The following LUZP1 variants were observed in gnomAD, a reference collection of about 807,000 sequenced individuals.
The protein encoded by LUZP1 is leucine zipper protein 1, also known as filamin mechanobinding actin cross-linking protein.
In LUZP1, 25 loss-of-function variants were observed where a neutral mutation model predicts 71.3. That is an observed-to-expected ratio of 0.35 (90% CI 0.26 to 0.49). The LOEUF (loss-of-function observed/expected upper bound fraction) is 0.49, where lower values mean the gene tolerates loss of function less well. Among genes scored for constraint, LUZP1 ranks in the 20% least tolerant of loss-of-function variants. LUZP1 has a pLI of 0.99. For synonymous variants in LUZP1, 481 were observed against 506.4 expected, an observed-to-expected ratio of 0.95 and a Z score of 0.67; for missense variants, 1,142 against 1,300.8, an observed-to-expected ratio of 0.88 and a Z score of 1.88.
At chr1:23,129,216 T>C (rs1644195227) in intron 2 of LUZP1, among the ~76,000 whole-genome samples, 1 of 152,210 alleles carries the variant, frequency 6.6e-6, no homozygotes, top group Non-Finnish European at 1.5e-5. Context: ...ATCTCATCAT[T>C]AGACTCACCA....
chr1:23,093,474 T>G lies in LUZP1; in HGVS notation c.788A>C (p.Tyr263Ser). ...TGTTTCATTCTCTACCTGCTTTAGG[T>G]AGTCCAGACCACCCTTCCTTCTTGA... Residue 263 changes from tyrosine to serine, a missense_variant, in exon 4 of 5, where the codon TAC (tyrosine) becomes TCC (serine). By Grantham distance (144) the Tyr-to-Ser change is moderately radical. Transcript: ENST00000302291. The surrounding 1 kb of genome is among the most constrained non-coding windows in gnomAD (Gnocchi z 4.2). 1 of 1,613,172 alleles carries G rather than the reference T, an allele frequency of 6.2e-7. No homozygotes were observed. The highest frequency in any genetic ancestry group is 1.1e-5 in the South Asian group (1 of 90,672).
chr1:23,162,469 C>T (rs1384447952), intron 2 of LUZP1, among the ~76,000 whole-genome samples: 1 of 149,456 alleles, frequency 6.7e-6, no homozygotes, highest in Non-Finnish European at 1.5e-5. Context: ...GACGGAGTCT[C>T]GCTCTGTTGC....
chr1:23,113,468 T>C (rs1644050835), intron 2 of LUZP1, among the ~76,000 whole-genome samples: 1 of 151,890 alleles, frequency 6.6e-6, no homozygotes, highest in Non-Finnish European at 1.5e-5. Context: ...TTAAACCCAT[T>C]TGCAATTTGC....
In LUZP1 at chr1:23,152,652, T is replaced by A. The variant is rs1452233276; in HGVS notation, c.-226+16114A>T. 5.9e-5 allele frequency among the ~76,000 whole-genome samples: 9 copies of A among 152,092 alleles called. No homozygotes were observed. The East Asian group carries it at 1.7e-3, about 29-fold the overall frequency. On this transcript the variant is annotated intron_variant, in intron 2 of 4. Coordinates refer to ENST00000302291, the Ensembl canonical transcript of LUZP1. ...TTCAAGCGATTCTCCTGCTTCAGCCTACCGAGTAGCTGGGATTACAGGCGC... is the reference window on the plus strand; with the variant it reads ...TTCAAGCGATTCTCCTGCTTCAGCCAACCGAGTAGCTGGGATTACAGGCGC...
At chr1:23,177,660 G>A (rs1205544743) in exon 1 of LUZP1, 1 of 152,296 alleles carries the variant, frequency 6.6e-6, no homozygotes, top group Non-Finnish European at 1.5e-5. Context: ...ATCCGGCTGC[G>A]GCACTTCATG....
chr1:23,107,415 A>G lies in LUZP1; in HGVS notation c.-120+1607T>C, dbSNP rs193094469. The stretch of plus-strand genomic sequence containing the variant: ...TTTTCTATTTTGTTTAATGCAGTAT[A>G]CTTAGTTCCGATAACTAAAGCGTGT... On this transcript the variant is annotated intron_variant, in intron 3 of 4. Coordinates refer to ENST00000302291, the Ensembl canonical transcript of LUZP1. 2.7e-3 allele frequency among the ~76,000 whole-genome samples: 405 copies of G among 152,350 alleles called. 4 individuals are homozygous for G. Among genetic ancestry groups the G allele is most frequent in the African/African-American group, 9.0e-3 (375 of 41,590 alleles).
intron 2 of LUZP1, chr1:23,163,965 G>C (rs1644489793): frequency 6.6e-6 from 1 of 152,154 alleles, no homozygotes; most frequent in Non-Finnish European, 1.5e-5. Flanking sequence ...AGTCACTTCT[G>C]CAGCACAAAT....
chr1:23,126,491 A>G (rs973921315), intron 2 of LUZP1, among the ~76,000 whole-genome samples: 8 of 152,036 alleles, frequency 5.3e-5, no homozygotes, highest in Non-Finnish European at 1.2e-4. Flanking sequence ...GGTTCTCAGT[A>G]TTTCCTGAGA....
chr1:23,103,922 G>GT (rs1643957810), intron 3 of LUZP1, among the ~76,000 whole-genome samples: 1 of 64,728 alleles, frequency 1.5e-5, no homozygotes, highest in Non-Finnish European at 3.0e-5. Flanking sequence ...AGGGAGGGAG[G>GT]GGGGGAAGGA....
intron 2 of LUZP1, among the ~76,000 whole-genome samples, chr1:23,166,653 CAA>C (rs538327046): frequency 0.047 from 3,333 of 70,630 alleles, 69 homozygotes; most frequent in African/African-American, 0.15. Context: ...CACTCCGTCT[CAA>C]AAAAAAAAAA....
chr1:23,160,714 G>A (rs562499839), intron 2 of LUZP1, among the ~76,000 whole-genome samples: 1 of 152,192 alleles, frequency 6.6e-6, no homozygotes, highest in Non-Finnish European at 1.5e-5. Context: ...GAAAATAACT[G>A]AGGAGGGCAT....
intron 2 of LUZP1, among the ~76,000 whole-genome samples, chr1:23,111,813 C>CCA (rs893583762): frequency 7.9e-5 from 12 of 151,696 alleles, no homozygotes; most frequent in African/African-American, 2.2e-4. Context: ...CACCGCCCCC[C>CCA]CACACACACA....
rs138531275 is a variant in LUZP1 at position 23,174,929 on chromosome 1, T to TTTCA, written c.-485+2558_-485+2561dup. 9.8e-3 allele frequency among the ~76,000 whole-genome samples: 1,498 copies of TTTCA among 152,166 alleles called. 17 individuals are homozygous for TTTCA. The highest frequency in any genetic ancestry group is 0.023 in the African/African-American group (967 of 41,488). On this transcript the variant is annotated intron_variant, in intron 1 of 4. Transcript: ENST00000302291. The stretch of plus-strand genomic sequence containing the variant: ...TTCAGGGCAACCGTTACTACATGCA[T>TTTCA]TTCATTCATTCATTCATTCATTCAT...
intron 1 of LUZP1, among the ~76,000 whole-genome samples, chr1:23,169,946 G>A (rs1013122180): frequency 1.3e-5 from 2 of 150,600 alleles, no homozygotes; most frequent in African/African-American, 2.4e-5. Flanking sequence ...CAAAGCCCTG[G>A]CCTGGTATGA....
chr1:23,150,644 A>G (rs1288712988), intron 2 of LUZP1, among the ~76,000 whole-genome samples: 1 of 152,170 alleles, frequency 6.6e-6, no homozygotes, highest in Non-Finnish European at 1.5e-5. Flanking sequence ...GAACTTTGAG[A>G]TAACTTTTTA....
intron 2 of LUZP1, chr1:23,164,139 G>C (rs1392623763): frequency 1.3e-5 from 2 of 151,764 alleles, no homozygotes; most frequent in African/African-American, 4.8e-5. Flanking sequence ...CCTTTGCTTC[G>C]GGCAGAGCAA....
intron 2 of LUZP1, among the ~76,000 whole-genome samples, chr1:23,155,228 T>C (rs532262027): frequency 3.3e-5 from 5 of 152,310 alleles, no homozygotes; most frequent in African/African-American, 1.2e-4. Context: ...TTTAACTAGT[T>C]TCTGTATACT....
intron 4 of LUZP1, chr1:23,090,504 C>T (rs1020476554): frequency 4.7e-6 from 1 of 213,252 alleles, no homozygotes; most frequent in Non-Finnish European, 9.3e-6. Flanking sequence ...AGATGCTGTT[C>T]TGACACCCTG....
intron 2 of LUZP1, among the ~76,000 whole-genome samples, chr1:23,131,667 T>C (rs1415221452): frequency 1.3e-5 from 2 of 151,014 alleles, no homozygotes; most frequent in Non-Finnish European, 2.9e-5. Flanking sequence ...CCTGCTCCTA[T>C]TTATTCATTT....
Sources: allele counts gnomAD v4.1 joint callset (sites outside exome capture counted in the v4.1 genomes callset), GRCh38; gene constraint gnomAD v4.1.1; non-coding constraint Gnocchi (gnomAD v3.1); transcripts MANE v1.5; gene names NCBI Gene and HGNC (gene_info 2026-07-23, HGNC 2026-07-21).